HINT1: variants seen among roughly 807,000 people sequenced by gnomAD.
HINT1 encodes histidine triad nucleotide binding protein 1.
Under a neutral mutation model 11.2 loss-of-function variants are expected in HINT1, and 12 were observed. That is an observed-to-expected ratio of 1.07 (90% CI 0.69 to 1.74). The LOEUF (loss-of-function observed/expected upper bound fraction) is 1.74, where lower values mean the gene tolerates loss of function less well. HINT1 is among the 40% of genes most tolerant of loss of function. HINT1 has a pLI of 0.00. For synonymous variants in HINT1, 42 were observed against 52.6 expected, an observed-to-expected ratio of 0.80 and a Z score of 0.87; for missense variants, 150 against 161.8, an observed-to-expected ratio of 0.93 and a Z score of 0.40.
chr5:131,161,042 G>T (rs781289699), intron 2 of HINT1, among the ~76,000 whole-genome samples: 6 of 152,148 alleles, frequency 3.9e-5, no homozygotes, highest in Non-Finnish European at 5.9e-5. Flanking sequence ...TTAAGTTGAT[G>T]AGCATCTATA....
Position 131,165,168 on chromosome 5 carries a change from G to A in HINT1, c.38C>T (p.Pro13Leu). The stretch of plus-strand genomic sequence containing the variant: ...CTTCCCAAAGATCGTGTCGCCACCA[G>A]GCCGAGCGACCTGAGCCTTGGCAAT... ...DEIAKAQVAR[P>L]GGDTIFGKII... The change falls in exon 1 of 3, where the codon CCT becomes CTT. Residue 13 changes from proline to leucine, a missense_variant. By Grantham distance (98) the Pro-to-Leu change is moderately conservative. Coordinates refer to ENST00000304043, the MANE Select transcript of HINT1 (RefSeq NM_005340.7). 6.2e-7 allele frequency: 1 copy of A among 1,611,092 alleles called. No homozygotes were observed. Among genetic ancestry groups the A allele is most frequent in the African/African-American group, 1.3e-5 (1 of 75,056 alleles).
At chr5:131,163,805 G>A (rs1325011719) in intron 1 of HINT1, among the ~76,000 whole-genome samples, 1 of 152,124 alleles carries the variant, frequency 6.6e-6, no homozygotes, top group African/African-American at 2.4e-5. Context: ...CGAATCTCTT[G>A]CTCACTGCTG....
rs1755191299 is a variant in HINT1, at chr5:131,159,370, AGTGTGT to A, written c.*71_*76del. 4.6e-6 allele frequency: 6 copies of A among 1,317,738 alleles called. No individual in the cohort carries two copies. In the South Asian group the frequency reaches 7.9e-5, roughly 17 times the overall value. 81.6% of individuals were successfully genotyped at this position (1,317,738 alleles called of 1,614,324 possible). A position where few individuals can be genotyped will look rare whatever the true frequency, so the allele number is the denominator to read the frequency against. ...ATCTCTCCATACACAGGCAAAAATA[AGTGTGT>A]TACTTAACATACTGGAAATTGCCTA... On this transcript the variant is annotated 3_prime_UTR_variant, in exon 3 of 3. Transcript: ENST00000304043.
At chr5:131,162,535 AAAGC>A in intron 2 of HINT1, 33 bp downstream of exon 2, 1 of 1,607,586 alleles carries the variant, frequency 6.2e-7, no homozygotes, top group Non-Finnish European at 8.5e-7. Context: ...CACAATTTAA[AAAGC>A]AAGAAAATAA....
At chr5:131,162,122 G>A (rs1448681321) in intron 2 of HINT1, 5 of 360,470 alleles carry the variant, frequency 1.4e-5, no homozygotes, top group Admixed American at 8.6e-5. Context: ...TCAGGAAATC[G>A]AAACTATCCT....
chr5:131,162,042 T>C (rs1755262462), intron 2 of HINT1: 2 of 197,038 alleles, frequency 1.0e-5, no homozygotes, highest in African/African-American at 2.3e-5. Context: ...AAGAATATAA[T>C]AGGCCAGGAA....
intron 2 of HINT1, chr5:131,162,123 A>C (rs963582976): frequency 5.3e-6 from 2 of 379,360 alleles, no homozygotes; most frequent in Non-Finnish European, 9.4e-6. Flanking sequence ...CAGGAAATCG[A>C]AACTATCCTG....
intron 2 of HINT1, among the ~76,000 whole-genome samples, chr5:131,160,050 T>C (rs1466965933): frequency 6.6e-6 from 1 of 151,978 alleles, no homozygotes; most frequent in Non-Finnish European, 1.5e-5. Flanking sequence ...ATGGGGCTTC[T>C]CCAATGTTGT....
At chr5:131,162,275 T>C (rs1387126359) in intron 2 of HINT1, 7 of 614,930 alleles carry the variant, frequency 1.1e-5, no homozygotes, top group Non-Finnish European at 2.0e-5. Flanking sequence ...GTGAGCCGAG[T>C]GCCACTGCAC....
In HINT1 at chr5:131,159,337, T is replaced by A. The variant is rs1242187761; in HGVS notation, c.*110A>T. ...TATTATGTATGCGGTTTTAAAATTA[T>A]TTCTTGAATCTCTCCATACACAGGC... is the stretch of plus-strand genomic sequence containing the variant. On this transcript the variant is annotated 3_prime_UTR_variant, in exon 3 of 3. Transcript: ENST00000304043. The A allele has an allele frequency of 2.4e-6, 2 of 847,698 alleles. No homozygotes were observed. The highest frequency in any genetic ancestry group is 3.6e-6 in the Non-Finnish European group (2 of 554,610). 52.5% of individuals were successfully genotyped at this position (847,698 alleles called of 1,614,324 possible).
chr5:131,161,455 A>C (rs1331135568), intron 2 of HINT1, among the ~76,000 whole-genome samples: 2 of 152,058 alleles, frequency 1.3e-5, no homozygotes, highest in Non-Finnish European at 2.9e-5. Context: ...AATACAAATA[A>C]GCCAGGCGTG....
Position 131,159,722 on chromosome 5 carries a change from A to C in HINT1, c.217-111T>G, listed in dbSNP as rs3852208. On this transcript the variant is annotated intron_variant, in intron 2 of 2. Transcript: ENST00000304043. The stretch of plus-strand genomic sequence containing the variant: ...ATCTTAAAACTCTCATTGAAACACA[A>C]CCCTTTGAGCAAATATTTGGAAACT... 47,932 of 961,368 alleles carry C rather than the reference A, an allele frequency of 0.05. 4,325 individuals carry two copies. The highest frequency in any genetic ancestry group is 0.34 in the African/African-American group (20,743 of 60,236). 59.6% of individuals were successfully genotyped at this position (961,368 alleles called of 1,614,324 possible). A position where few individuals can be genotyped will look rare whatever the true frequency, so the allele number is the denominator to read the frequency against.
At chr5:131,163,386 T>C (rs1458467189) in intron 1 of HINT1, among the ~76,000 whole-genome samples, 1 of 152,170 alleles carries the variant, frequency 6.6e-6, no homozygotes, top group Non-Finnish European at 1.5e-5. Context: ...CTGAGCTCTC[T>C]GCCCTCAGAG....
At position 131,165,194 on chromosome 5, in the gene HINT1, C is replaced by G; in HGVS notation, c.12G>C (p.Glu4Asp). The G allele has an allele frequency of 6.2e-7, 1 of 1,608,100 alleles. No individual in the cohort carries two copies. The highest frequency in any genetic ancestry group is 8.5e-7 in the Non-Finnish European group (1 of 1,179,876). Reference sequence around the variant, plus strand: ...GCCGAGCGACCTGAGCCTTGGCAATCTCATCTGCCATCTCGGCCTCTCTCC... The same window carrying G: ...GCCGAGCGACCTGAGCCTTGGCAATGTCATCTGCCATCTCGGCCTCTCTCC... MAD[E>D]IAKAQVARPG... The change falls in exon 1 of 3, where the codon GAG becomes GAC. Residue 4 changes from glutamate (E) to aspartate (D), a missense_variant. Glu to Asp is a conservative substitution (Grantham distance 45, BLOSUM62 2). Transcript: ENST00000304043.
At chr5:131,163,523 CCT>C (rs1755309071) in intron 1 of HINT1, among the ~76,000 whole-genome samples, 1 of 152,044 alleles carries the variant, frequency 6.6e-6, no homozygotes, top group Admixed American at 6.6e-5. Flanking sequence ...CAGAAAAAAA[CCT>C]CTGATTGCCC....
At chr5:131,159,735 A>G in intron 2 of HINT1, 124 bp from the exon 3 acceptor site, 10 of 838,660 alleles carry the variant, frequency 1.2e-5, no homozygotes, top group Non-Finnish European at 7.4e-6. Context: ...CTTTGAGCAA[A>G]TATTTGGAAA....
In HINT1 at chr5:131,162,536, A is replaced by C. The variant is rs149224817; in HGVS notation, c.216+36T>G. On this transcript the variant is annotated intron_variant, in intron 2 of 2. Transcript: ENST00000304043. ...GACAAAATTAATCTCACAATTTAAA[A>C]AGCAAGAAAATAAATCATGTTAGAA... is the stretch of plus-strand genomic sequence containing the variant. 1.2e-3 allele frequency: 1,859 copies of C among 1,607,514 alleles called. 12 individuals carry two copies. In the African/African-American group the frequency reaches 0.022, roughly 19 times the overall value.
intron 2 of HINT1, chr5:131,162,099 G>T (rs1026813414): frequency 9.5e-6 from 3 of 315,894 alleles, no homozygotes; most frequent in Non-Finnish European, 1.7e-5. Context: ...GCCGAGGCGG[G>T]CGGATCACGA....
Position 131,165,209 on chromosome 5 carries a change from G to C in HINT1, c.-4C>G. 6.2e-7 allele frequency: 1 copy of C among 1,604,866 alleles called. No individual in the cohort carries two copies. The highest frequency in any genetic ancestry group is 1.1e-5 in the South Asian group (1 of 91,040). ...CCTTGGCAATCTCATCTGCCATCTCGGCCTCTCTCCCGCGCGGCGGCCAGA... is the reference window on the plus strand; with the variant it reads ...CCTTGGCAATCTCATCTGCCATCTCCGCCTCTCTCCCGCGCGGCGGCCAGA... On this transcript the variant is annotated 5_prime_UTR_variant, in exon 1 of 3. Transcript: ENST00000304043.
Sources: gnomAD v4.1 joint callset for allele counts (sites outside exome capture counted in the v4.1 genomes callset) on GRCh38, gnomAD v4.1.1 for gene constraint, MANE v1.5 for transcripts, NCBI Gene and HGNC (gene_info 2026-07-23, HGNC 2026-07-21) for gene names.